Variants in LRRC4C observed in about 807,000 individuals in gnomAD.
LRRC4C encodes leucine-rich repeat-containing protein 4C.
A neutral mutation model predicts 33.6 loss-of-function variants in LRRC4C; 5 were observed. The ratio of observed to expected loss-of-function variants is 0.15; its 90% confidence interval spans 0.08 to 0.31. The LOEUF is 0.31. Among genes scored for constraint, LRRC4C ranks in the 10% least tolerant of loss-of-function variants. The pLI is 1.00. For synonymous variants in LRRC4C, 329 were observed against 302.0 expected (o/e 1.09, Z -0.93); for missense variants, 560 against 796.7 (o/e 0.70, Z 3.58).
chr11:41,032,857 A>T (rs1461190284), intron 1 of LRRC4C, among the ~76,000 whole-genome samples: 5 of 152,050 alleles, frequency 3.3e-5, no homozygotes, highest in Admixed American at 3.3e-4. Context: ...CATTTTGTTG[A>T]TCCAAGTAAA....
At chr11:40,561,095 T>G (rs1957529100) in intron 3 of LRRC4C, among the ~76,000 whole-genome samples, 1 of 152,182 alleles carries the variant, frequency 6.6e-6, no homozygotes, top group African/African-American at 2.4e-5. Context: ...TTGGTCAAAC[T>G]TAGGAAAATG....
chr11:41,115,014 A>G (rs1942041168), intron 1 of LRRC4C, among the ~76,000 whole-genome samples: 2 of 152,062 alleles, frequency 1.3e-5, no homozygotes, highest in Non-Finnish European at 2.9e-5. Context: ...TTTTTTCATA[A>G]CTGTTGAAGG....
chr11:41,295,435 A>G (rs1591184125), intron 1 of LRRC4C, among the ~76,000 whole-genome samples: 1 of 152,312 alleles, frequency 6.6e-6, no homozygotes, highest in South Asian at 2.1e-4. Context: ...GGAAAAGGAA[A>G]GAGGCTTAGC....
chr11:40,650,169 G>A (rs934367012), intron 2 of LRRC4C, among the ~76,000 whole-genome samples: 5 of 152,100 alleles, frequency 3.3e-5, no homozygotes, highest in African/African-American at 1.2e-4. Context: ...ACCTTAACGA[G>A]TATTAAATAA....
chr11:41,106,114 T>C (rs1286700347), intron 1 of LRRC4C, among the ~76,000 whole-genome samples: 1 of 152,146 alleles, frequency 6.6e-6, no homozygotes, highest in Admixed American at 6.6e-5. Flanking sequence ...TTCAATGTAC[T>C]GTAATAAGTC....
intron 2 of LRRC4C, among the ~76,000 whole-genome samples, chr11:40,805,178 A>G (rs1951191475): frequency 6.6e-6 from 1 of 152,016 alleles, no homozygotes. Context: ...CACCTAACTT[A>G]CTCCCTTGAG....
intron 2 of LRRC4C, among the ~76,000 whole-genome samples, chr11:40,908,293 A>C (rs1956516920): frequency 6.6e-6 from 1 of 152,152 alleles, no homozygotes; most frequent in African/African-American, 2.4e-5. Flanking sequence ...AAGTACATGT[A>C]GACATAATGC....
intron 1 of LRRC4C, among the ~76,000 whole-genome samples, chr11:41,344,450 G>C (rs569371399): frequency 1.3e-5 from 2 of 152,232 alleles, no homozygotes; most frequent in African/African-American, 4.8e-5. Flanking sequence ...TCGATCTCCT[G>C]ACCTCGTGAT....
At chr11:40,696,020 G>GGTGTGTGTGTGTATATATATATGT (rs1945484807) in intron 2 of LRRC4C, among the ~76,000 whole-genome samples, 1 of 143,990 alleles carries the variant, frequency 6.9e-6, no homozygotes, top group African/African-American at 2.7e-5. Context: ...ATATATATGT[G>GGTGTGTGTGTGTATATATATATGT]GTGTGTGTGT....
chr11:40,503,987 G>C (rs1954907424), intron 3 of LRRC4C, among the ~76,000 whole-genome samples: 1 of 152,056 alleles, frequency 6.6e-6, no homozygotes, highest in Non-Finnish European at 1.5e-5. Context: ...GAGAAAAAAA[G>C]AGACATGTAC....
chr11:40,454,129 T>C (rs1209205310), intron 3 of LRRC4C, among the ~76,000 whole-genome samples: 1 of 152,034 alleles, frequency 6.6e-6, no homozygotes, highest in East Asian at 1.9e-4. Flanking sequence ...AATATTTTCC[T>C]AGTGTTTCCC....
intron 1 of LRRC4C, among the ~76,000 whole-genome samples, chr11:41,321,287 G>A (rs902376979): frequency 3.3e-5 from 5 of 151,902 alleles, no homozygotes; most frequent in African/African-American, 1.2e-4. Flanking sequence ...GGTCATCTTA[G>A]AATTTTGCCT....
At chr11:41,430,421 A>G (rs932382338) in intron 1 of LRRC4C, among the ~76,000 whole-genome samples, 12 of 152,276 alleles carry the variant, frequency 7.9e-5, no homozygotes, top group Admixed American at 6.5e-4. Flanking sequence ...GGACATGCTC[A>G]GATAGCTAGA....
intron 1 of LRRC4C, among the ~76,000 whole-genome samples, chr11:40,998,199 T>G (rs927109893): frequency 1.3e-5 from 2 of 151,928 alleles, no homozygotes; most frequent in African/African-American, 4.8e-5. Flanking sequence ...TAAACAAATA[T>G]GTATATATTT....
intron 5 of LRRC4C, among the ~76,000 whole-genome samples, chr11:40,169,198 T>C (rs1198122582): frequency 2.0e-5 from 3 of 152,168 alleles, no homozygotes; most frequent in Non-Finnish European, 4.4e-5. Context: ...AAGCTTTAAA[T>C]AGGAACCTAG....
At chr11:41,279,389 C>CAA (rs1949587865) in intron 1 of LRRC4C, among the ~76,000 whole-genome samples, 1 of 74,746 alleles carries the variant, frequency 1.3e-5, no homozygotes, top group South Asian at 5.6e-4. Context: ...CAAACACACA[C>CAA]ACACACACAC....
chr11:41,451,528 T>C (rs1956025756), intron 1 of LRRC4C, among the ~76,000 whole-genome samples: 1 of 151,432 alleles, frequency 6.6e-6, no homozygotes, highest in Non-Finnish European at 1.5e-5. Context: ...GAGATGAAAA[T>C]CAAACTTGAA....
chr11:40,414,907 C>A (rs1950271693), intron 3 of LRRC4C, among the ~76,000 whole-genome samples: 1 of 152,014 alleles, frequency 6.6e-6, no homozygotes, highest in African/African-American at 2.4e-5. Flanking sequence ...GAAACAAAAC[C>A]CCACGAGGAG....
intron 1 of LRRC4C, among the ~76,000 whole-genome samples, chr11:41,047,328 T>G (rs1442559650): frequency 2.0e-5 from 3 of 152,110 alleles, no homozygotes; most frequent in Non-Finnish European, 4.4e-5. Context: ...ATTATTATAA[T>G]TTTTAAAAAG....
Sources: allele counts gnomAD v4.1 joint callset (sites outside exome capture counted in the v4.1 genomes callset), GRCh38; gene constraint gnomAD v4.1.1; transcripts MANE v1.5; gene names NCBI Gene and HGNC (gene_info 2026-07-23, HGNC 2026-07-21).